Variants in KAT14 observed in about 807,000 individuals in gnomAD.
KAT14 encodes the protein lysine acetyltransferase 14.
A neutral mutation model predicts 78.4 loss-of-function variants in KAT14; 66 were observed. The ratio of observed to expected loss-of-function variants is 0.84; its 90% CI spans 0.69 to 1.03. KAT14 has a LOEUF of 1.03. Ranked by LOEUF, KAT14 falls within the 50% of genes least tolerant of loss-of-function variation. KAT14 has a pLI of 0.00. For missense variants in KAT14, 870 were observed against 972.5 expected, an observed-to-expected ratio of 0.89 and a Z score of 1.40; for synonymous variants, 344 against 359.4, an observed-to-expected ratio of 0.96 and a Z score of 0.48.
At position 18,150,849 on chromosome 20, in the gene KAT14, C is replaced by G. The variant is rs766589065; in HGVS notation, c.407C>G (p.Ser136Cys). Residue 136 changes from serine to cysteine, a missense_variant, in exon 4 of 11, where the codon TCT (serine) becomes TGT (cysteine). Physicochemically the swap from Ser to Cys is moderately radical, Grantham distance 112. Coordinates refer to ENST00000688188, the MANE Select transcript of KAT14 (RefSeq NM_001392073.1). The stretch of plus-strand genomic sequence containing the variant: ...GTCATGTTGGCAATGTACAACTTGT[C>G]TCTGGAAGGAAGTGGACGTCAAGGT... ...QVVMLAMYNL[S>C]LEGSGRQGYF... 3.1e-6 allele frequency: 5 copies of G among 1,613,982 alleles called. No homozygotes were observed. The Admixed American group carries it at 5.0e-5, about 16-fold the overall frequency.
At chr20:18,153,580 A>C (rs978989920) in intron 4 of KAT14, among the ~76,000 whole-genome samples, 4 of 152,362 alleles carry the variant, frequency 2.6e-5, no homozygotes, top group Middle Eastern at 3.4e-3. Flanking sequence ...GCTGGATTTT[A>C]ACAGAAGTTG....
At chr20:18,184,491 T>C in intron 9 of KAT14, 111 bp from the exon 10 acceptor site, 1 of 963,544 alleles carries the variant, frequency 1.0e-6, no homozygotes, top group East Asian at 3.2e-5. Context: ...TGGTGTTTTT[T>C]TTTTTTTTTT....
chr20:18,156,278 G>A (rs1294085217), intron 4 of KAT14, among the ~76,000 whole-genome samples: 2 of 152,186 alleles, frequency 1.3e-5, no homozygotes, highest in African/African-American at 4.8e-5. Flanking sequence ...TAGAGTTTCG[G>A]TTTTGCCCTG....
intron 1 of KAT14, chr20:18,138,310 C>T: frequency 3.4e-6 from 4 of 1,174,870 alleles, no homozygotes; most frequent in Non-Finnish European, 4.2e-6. Flanking sequence ...TGGAGCTCCG[C>T]GCTGAAGGGG....
At chr20:18,179,544 C>T (rs941665017) in intron 7 of KAT14, among the ~76,000 whole-genome samples, 11 of 152,120 alleles carry the variant, frequency 7.2e-5, no homozygotes, top group Admixed American at 6.5e-5. Context: ...CCTGTGAAAC[C>T]ATGGGCCGAG....
chr20:18,138,174 C>T, intron 1 of KAT14, 123 bp downstream of exon 1: 1 of 1,298,584 alleles, frequency 7.7e-7, no homozygotes, highest in Non-Finnish European at 9.8e-7. Context: ...GGTGGCGCGG[C>T]CCTGCACCCC....
In KAT14 at chr20:18,137,892, A is replaced by ACTCTGCGGCGGC. The variant is rs2037350621; in HGVS notation, c.-605_-594dup. 2 of 1,420,760 alleles carry ACTCTGCGGCGGC rather than the reference A, an allele frequency of 1.4e-6. No individual in the cohort carries two copies. Among genetic ancestry groups the ACTCTGCGGCGGC allele is most frequent in the Middle Eastern group, 2.5e-4 (1 of 3,924 alleles). 88.0% of individuals were successfully genotyped at this position (1,420,760 alleles called of 1,614,324 possible). On this transcript the variant is annotated 5_prime_UTR_variant, in exon 1 of 11. Transcript: ENST00000688188. ...CTGGGCAGTACAGGCGGCGGTGCGCACTCTGCGGCGGCCTCTGCGCCTCGG... is the reference window on the plus strand; with the variant it reads ...CTGGGCAGTACAGGCGGCGGTGCGCACTCTGCGGCGGCCTCTGCGGCGGCCTCTGCGCCTCGG...
intron 7 of KAT14, among the ~76,000 whole-genome samples, chr20:18,171,638 C>G (rs926558123): frequency 6.6e-6 from 1 of 152,158 alleles, no homozygotes; most frequent in African/African-American, 2.4e-5. Flanking sequence ...ATAGTGAAAC[C>G]CTGTCTTTAC....
At position 18,140,513 on chromosome 20, in the gene KAT14, TAAA is replaced by T. The variant is rs546138091; in HGVS notation, c.-453-1692_-453-1690del. On this transcript the variant is annotated intron_variant, in intron 1 of 10. Coordinates refer to ENST00000688188, the MANE Select transcript of KAT14 (RefSeq NM_001392073.1). ...TAATTCTACTCTATATAGCCACTATTAAAAACCATTTATTGGCCAGGCACGGTA... is the reference window on the plus strand; with the variant it reads ...TAATTCTACTCTATATAGCCACTATTAACCATTTATTGGCCAGGCACGGTA... Among the ~76,000 whole-genome samples the T allele has an allele frequency of 8.9e-4, 135 of 152,126 alleles. 1 individual carries two copies. Among genetic ancestry groups the T allele is most frequent in the African/African-American group, 3.2e-3 (131 of 41,500 alleles).
intron 3 of KAT14, among the ~76,000 whole-genome samples, chr20:18,150,242 G>A (rs57643763): frequency 0.013 from 2,010 of 152,190 alleles, 48 homozygotes; most frequent in African/African-American, 0.046. Context: ...TTGAAGGAGG[G>A]GTTTGACAGG....
At chr20:18,141,136 A>G (rs1478833440) in intron 1 of KAT14, among the ~76,000 whole-genome samples, 3 of 148,272 alleles carry the variant, frequency 2.0e-5, no homozygotes, top group Non-Finnish European at 3.0e-5. Flanking sequence ...GCCTTGGCCT[A>G]AGATTACAGG....
intron 2 of KAT14, chr20:18,144,975 T>G (rs1234959919): frequency 1.2e-6 from 1 of 802,612 alleles, no homozygotes; most frequent in Non-Finnish European, 1.6e-6. Context: ...AATTGGGAAA[T>G]CCAGCAACAA....
intron 9 of KAT14, chr20:18,183,723 C>A: frequency 5.5e-6 from 1 of 180,518 alleles, no homozygotes; most frequent in Non-Finnish European, 1.1e-5. Flanking sequence ...TTTTTAAAAG[C>A]CAAATGCCCT....
intron 1 of KAT14, among the ~76,000 whole-genome samples, chr20:18,139,632 A>AGG (rs1203664163): frequency 1.0e-5 from 1 of 99,784 alleles, no homozygotes; most frequent in Non-Finnish European, 2.1e-5. Flanking sequence ...AACCAAAATA[A>AGG]CGTGTGTGTG....
rs554424912 is a variant in KAT14, at chr20:18,150,931, A to G, written c.489A>G (p.Leu163=). 1.1e-5 allele frequency: 18 copies of G among 1,614,068 alleles called. No individual in the cohort carries two copies. The highest frequency in any genetic ancestry group is 4.0e-5 in the African/African-American group (3 of 75,068). ...TTATTGAGAAACATTGGACTTTTTT[A>G]CTAGGGAATAGGTAATGTGTTTTTA... ...CAFIEKHWTF[L]LGNRKKTSTW... is the part of the protein sequence containing the mutation. Residue 163 remains leucine, a synonymous_variant, in exon 4 of 11, where the codon TTA becomes TTG. Coordinates refer to ENST00000688188, the MANE Select transcript of KAT14 (RefSeq NM_001392073.1).
At chr20:18,181,564 T>C (rs1308737455) in intron 7 of KAT14, 146 bp from the exon 8 acceptor site, 1 of 1,252,778 alleles carries the variant, frequency 8.0e-7, no homozygotes, top group Admixed American at 2.6e-5. Flanking sequence ...AGAGACAGGG[T>C]TTTACCGTGT....
chr20:18,151,070 G>T lies in KAT14; in HGVS notation c.500+128G>T, dbSNP rs1286981533. 3.1e-6 allele frequency: 4 copies of T among 1,291,652 alleles called. No individual in the cohort carries two copies. In the African/African-American group the frequency reaches 4.5e-5, roughly 15 times the overall value. The allele number at this position is 1,291,652 out of a possible 1,614,324, so 80.0% of individuals were successfully genotyped here. A position where few individuals can be genotyped will look rare whatever the true frequency, so the allele number is the denominator to read the frequency against. On this transcript the variant is annotated intron_variant, in intron 4 of 10. Transcript: ENST00000688188. ...ATTTTTTTGAGATAGAGTCTCCCAG[G>T]CTGGAGTGCAGTGGCATGACCATAG...
upstream of KAT14, chr20:18,137,792 G>C (rs2037347131): frequency 7.4e-6 from 5 of 673,570 alleles, no homozygotes; most frequent in Admixed American, 2.2e-4. Context: ...TCTATGCTCG[G>C]CTCTCGATTG....
At chr20:18,146,838 A>AC (rs991955371) in intron 3 of KAT14, among the ~76,000 whole-genome samples, 1 of 150,030 alleles carries the variant, frequency 6.7e-6, no homozygotes, top group African/African-American at 2.5e-5. Context: ...ACAGAGTGAG[A>AC]CCCCATCTCA....
Sources: allele counts gnomAD v4.1 joint callset (sites outside exome capture counted in the v4.1 genomes callset), GRCh38; gene constraint gnomAD v4.1.1; transcripts MANE v1.5; gene names NCBI Gene and HGNC (gene_info 2026-07-23, HGNC 2026-07-21).